RBMS3: variants seen among roughly 807,000 people sequenced by gnomAD.
The protein encoded by RBMS3 is RNA binding motif single stranded interacting protein 3, also known as RNA-binding motif, single-stranded-interacting protein 3.
Under a neutral mutation model 66.8 loss-of-function variants are expected in RBMS3, and 27 were observed. The ratio of observed to expected loss-of-function variants is 0.40; its 90% CI spans 0.30 to 0.56. RBMS3 has a LOEUF of 0.56. Ranked by LOEUF, RBMS3 falls within the 20% of genes least tolerant of loss-of-function variation. The probability of loss-of-function intolerance (pLI) is 0.40; values close to 1 mark genes in which losing one functional copy is unlikely to be tolerated. For synonymous variants in RBMS3, 188 were observed against 183.0 expected, an observed-to-expected ratio of 1.03 and a Z score of -0.22; for missense variants, 513 against 549.5, an observed-to-expected ratio of 0.93 and a Z score of 0.66.
At chr3:29,759,763 C>A (rs1305479108) in intron 5 of RBMS3, among the ~76,000 whole-genome samples, 1 of 152,016 alleles carries the variant, frequency 6.6e-6, no homozygotes, top group Non-Finnish European at 1.5e-5. Flanking sequence ...TCTGCTTCCA[C>A]GTAAAATGCA....
intron 12 of RBMS3, among the ~76,000 whole-genome samples, chr3:29,970,169 T>C (rs949279474): frequency 1.3e-5 from 2 of 152,154 alleles, no homozygotes; most frequent in African/African-American, 4.8e-5. Flanking sequence ...TAGAAAAATA[T>C]GTAGTTAACA....
chr3:29,700,873 C>T (rs557905636), intron 4 of RBMS3, among the ~76,000 whole-genome samples: 3 of 134,706 alleles, frequency 2.2e-5, no homozygotes, highest in East Asian at 2.2e-4. Flanking sequence ...TGTGTGTGTT[C>T]GTGTGCATGT....
intron 4 of RBMS3, chr3:29,642,881 C>T (rs1164633459): frequency 1.3e-5 from 2 of 152,144 alleles, no homozygotes; most frequent in Non-Finnish European, 2.9e-5. Flanking sequence ...AACAGAACCA[C>T]TGGCTTATTC....
chr3:29,735,074 C>A (rs984425531), intron 4 of RBMS3, among the ~76,000 whole-genome samples: 1 of 152,044 alleles, frequency 6.6e-6, no homozygotes, highest in African/African-American at 2.4e-5. Context: ...TAGCCTTTTT[C>A]AGAATTATGT....
At chr3:29,390,650 C>T (rs1195638322) in intron 1 of RBMS3, among the ~76,000 whole-genome samples, 1 of 152,296 alleles carries the variant, frequency 6.6e-6, no homozygotes, top group East Asian at 1.9e-4. Flanking sequence ...ATCTTAGGTT[C>T]TGAGAAACAC....
chr3:29,807,590 G>A (rs1427969193), intron 6 of RBMS3, among the ~76,000 whole-genome samples: 9 of 151,796 alleles, frequency 5.9e-5, no homozygotes, highest in Non-Finnish European at 1.0e-4. Context: ...CTTTCAATGA[G>A]CAAATGATTT....
chr3:30,005,103 T>TAA lies in RBMS3; in HGVS notation c.*1253_*1254dup, dbSNP rs10681559. 13,067 of 142,240 alleles carry TAA rather than the reference T, an allele frequency of 0.092. 977 individuals carry two copies. The highest frequency in any genetic ancestry group is 0.31 in the East Asian group (1,516 of 4,968). 8.8% of individuals were successfully genotyped at this position (142,240 alleles called of 1,614,324 possible). On this transcript the variant is annotated 3_prime_UTR_variant, in exon 15 of 15. Transcript: ENST00000383767. ...AGGTTGTTTTCGTTTCTTTTCTTTT[T>TAA]AAAAAAAAAAAAATTTATTTGACCG...
chr3:29,639,993 T>C (rs978025160), intron 4 of RBMS3, among the ~76,000 whole-genome samples: 2 of 151,876 alleles, frequency 1.3e-5, no homozygotes, highest in Admixed American at 1.3e-4. Flanking sequence ...TCCTGAACTC[T>C]GATATAATCC....
intron 3 of RBMS3, among the ~76,000 whole-genome samples, chr3:29,535,356 C>T (rs2045513197): frequency 6.6e-6 from 1 of 152,058 alleles, no homozygotes; most frequent in Admixed American, 6.5e-5. Flanking sequence ...ATCTCATTGG[C>T]TGGATTGTAA....
chr3:29,790,931 A>C (rs899349620), intron 6 of RBMS3, among the ~76,000 whole-genome samples: 1 of 152,092 alleles, frequency 6.6e-6, no homozygotes, highest in East Asian at 1.9e-4. Flanking sequence ...CTGATACTGC[A>C]CTCTGCAGAC....
intron 12 of RBMS3, among the ~76,000 whole-genome samples, chr3:29,961,224 G>A (rs756271639): frequency 6.6e-6 from 1 of 152,146 alleles, no homozygotes; most frequent in Non-Finnish European, 1.5e-5. Context: ...CTTTGCTAAA[G>A]CATGGCAAGA....
At chr3:29,773,490 T>A (rs183043751) in intron 6 of RBMS3, among the ~76,000 whole-genome samples, 1 of 152,198 alleles carries the variant, frequency 6.6e-6, no homozygotes, top group Non-Finnish European at 1.5e-5. Context: ...GAACTGAGTG[T>A]GAGACACATT....
intron 3 of RBMS3, among the ~76,000 whole-genome samples, chr3:29,490,224 C>T (rs931957283): frequency 1.3e-5 from 2 of 148,258 alleles, no homozygotes; most frequent in Non-Finnish European, 3.0e-5. Flanking sequence ...GCAGGTGTTT[C>T]GTAATGTTAT....
chr3:29,808,985 T>C (rs2057643492), intron 6 of RBMS3, among the ~76,000 whole-genome samples: 1 of 151,974 alleles, frequency 6.6e-6, no homozygotes. Context: ...TGATCCAAAA[T>C]GTAATTTGTC....
intron 3 of RBMS3, among the ~76,000 whole-genome samples, chr3:29,508,562 G>A (rs1233908866): frequency 6.6e-6 from 1 of 152,068 alleles, no homozygotes; most frequent in African/African-American, 2.4e-5. Context: ...AGTATTCCAT[G>A]GTGTATATAT....
At chr3:29,693,115 C>T (rs1335147669) in intron 4 of RBMS3, among the ~76,000 whole-genome samples, 1 of 151,958 alleles carries the variant, frequency 6.6e-6, no homozygotes, top group African/African-American at 2.4e-5. Context: ...AGATACTTTT[C>T]TCTATGACAA....
At chr3:29,628,629 A>G (rs957478817) in intron 4 of RBMS3, among the ~76,000 whole-genome samples, 1 of 152,146 alleles carries the variant, frequency 6.6e-6, no homozygotes, top group African/African-American at 2.4e-5. Context: ...ATATATGTAC[A>G]TTATTCATGT....
intron 1 of RBMS3, among the ~76,000 whole-genome samples, chr3:29,418,476 G>T (rs28373428): frequency 6.6e-6 from 1 of 152,012 alleles, no homozygotes; most frequent in Non-Finnish European, 1.5e-5. Flanking sequence ...GTGCCTTTGC[G>T]TATAGCATAG....
intron 1 of RBMS3, among the ~76,000 whole-genome samples, chr3:29,428,172 G>C (rs1425965052): frequency 6.6e-6 from 1 of 152,050 alleles, no homozygotes; most frequent in Non-Finnish European, 1.5e-5. Context: ...CAAGAAGATG[G>C]TCTGGATCTA....
Sources: gnomAD v4.1 joint callset for allele counts (sites outside exome capture counted in the v4.1 genomes callset) on GRCh38, gnomAD v4.1.1 for gene constraint, MANE v1.5 for transcripts, NCBI Gene and HGNC (gene_info 2026-07-23, HGNC 2026-07-21) for gene names.